CRIM1: variants seen among roughly 807,000 people sequenced by gnomAD.
CRIM1 encodes the protein cysteine rich transmembrane BMP regulator 1.
A neutral mutation model predicts 116.4 loss-of-function variants in CRIM1; 32 were observed. The observed-to-expected ratio is 0.27, with a 90% CI of 0.21 to 0.37. The LOEUF (loss-of-function observed/expected upper bound fraction) is 0.37, where lower values mean the gene tolerates loss of function less well. Among genes scored for constraint, CRIM1 ranks in the 10% least tolerant of loss-of-function variants. The pLI is 1.00. For missense variants in CRIM1, 1,331 were observed against 1,354.8 expected (o/e 0.98, Z 0.28); for synonymous variants, 590 against 509.2 (o/e 1.16, Z -2.13).
intron 6 of CRIM1, 101 bp downstream of exon 6, chr2:36,477,172 A>G (rs1679051179): frequency 2.1e-6 from 2 of 966,712 alleles, no homozygotes; most frequent in Non-Finnish European, 3.0e-6. Flanking sequence ...GTAAAGGAAT[A>G]TTGAAGTTCC....
At chr2:36,413,937 T>A (rs983549055) in intron 2 of CRIM1, among the ~76,000 whole-genome samples, 10 of 152,228 alleles carry the variant, frequency 6.6e-5, no homozygotes, top group African/African-American at 2.4e-4. Context: ...AACGGTGAGA[T>A]CCGATTTTCC....
rs923023725 is a variant in CRIM1 at position 36,549,353 on chromosome 2, G to A, written c.*652G>A. On this transcript the variant is annotated 3_prime_UTR_variant, in exon 17 of 17. Coordinates refer to ENST00000280527, the MANE Select transcript of CRIM1 (RefSeq NM_016441.3). ...CATTTCTCTAAAGCGGGTTATTAAG[G>A]ATATATACAGTTACACTTTTTGCTG... 2 of 152,576 alleles carry A rather than the reference G, an allele frequency of 1.3e-5. No individual in the cohort carries two copies. The highest frequency in any genetic ancestry group is 2.9e-5 in the Non-Finnish European group (2 of 68,032). The allele number at this position is 152,576 out of a possible 1,614,324, so 9.5% of individuals were successfully genotyped here. A position where few individuals can be genotyped will look rare whatever the true frequency, so the allele number is the denominator to read the frequency against.
At chr2:36,514,092 A>G (rs1664878081) in intron 11 of CRIM1, among the ~76,000 whole-genome samples, 2 of 152,220 alleles carry the variant, frequency 1.3e-5, no homozygotes, top group Admixed American at 1.3e-4. Context: ...TATTGATAGC[A>G]TATTAAGTCT....
At chr2:36,488,140 A>G (rs575891645) in intron 7 of CRIM1, among the ~76,000 whole-genome samples, 43 of 152,204 alleles carry the variant, frequency 2.8e-4, no homozygotes, top group Non-Finnish European at 5.0e-4. Context: ...ATAGTGAAAA[A>G]TCCAGTGAGT....
chr2:36,420,638 G>A (rs1276459902), intron 2 of CRIM1, among the ~76,000 whole-genome samples: 1 of 152,190 alleles, frequency 6.6e-6, no homozygotes, highest in Non-Finnish European at 1.5e-5. Context: ...CAAAAGTTCA[G>A]GAGGTCTTCA....
At chr2:36,358,624 A>T (rs530089969) in intron 1 of CRIM1, among the ~76,000 whole-genome samples, 6 of 152,114 alleles carry the variant, frequency 3.9e-5, no homozygotes, top group Non-Finnish European at 8.8e-5. Flanking sequence ...TTTTTCTGGC[A>T]ACACCCTGTG....
At chr2:36,363,441 A>G (rs1669366215) in intron 1 of CRIM1, among the ~76,000 whole-genome samples, 2 of 150,448 alleles carry the variant, frequency 1.3e-5, no homozygotes, top group Non-Finnish European at 2.9e-5. Context: ...CTTAATCCCC[A>G]TCTACCTCAG....
chr2:36,416,549 C>T (rs943198350), intron 2 of CRIM1, among the ~76,000 whole-genome samples: 2 of 152,236 alleles, frequency 1.3e-5, no homozygotes, highest in African/African-American at 4.8e-5. Flanking sequence ...CTGCGTTTGT[C>T]TTCTGAAAGG....
intron 4 of CRIM1, among the ~76,000 whole-genome samples, chr2:36,452,553 G>A (rs1186059427): frequency 6.6e-6 from 1 of 152,134 alleles, no homozygotes. Context: ...TCCCCAGATT[G>A]AAGAAAATAT....
At chr2:36,412,290 T>TG (rs531922327) in intron 2 of CRIM1, among the ~76,000 whole-genome samples, 40 of 125,754 alleles carry the variant, frequency 3.2e-4, no homozygotes, top group Admixed American at 1.1e-3. Context: ...GCGCAGGGGG[T>TG]GGGGGGCGCA....
intron 2 of CRIM1, among the ~76,000 whole-genome samples, chr2:36,408,450 A>G (rs1345132393): frequency 6.6e-6 from 1 of 152,072 alleles, no homozygotes; most frequent in Admixed American, 6.6e-5. Flanking sequence ...GGCCCCCACA[A>G]AGGTTTTTCC....
chr2:36,408,992 G>T, intron 2 of CRIM1, among the ~76,000 whole-genome samples: 1 of 143,780 alleles, frequency 7.0e-6, no homozygotes, highest in African/African-American at 2.7e-5. Flanking sequence ...CTAGTATCTT[G>T]ATTAAGAGAT....
intron 5 of CRIM1, among the ~76,000 whole-genome samples, chr2:36,470,229 T>C (rs1204026545): frequency 6.6e-6 from 1 of 152,226 alleles, no homozygotes; most frequent in African/African-American, 2.4e-5. Context: ...AGTCCTTCTC[T>C]TTTCACTTTG....
chr2:36,546,449 T>C lies in CRIM1; in HGVS notation c.2747-535T>C, dbSNP rs903357186. ...CAAGTTTATGAAAAGTAAGACAATA[T>C]TGCTTAGAGTTCAGTGAACCAGAGT... is the stretch of plus-strand genomic sequence containing the variant. On this transcript the variant is annotated intron_variant, in intron 15 of 16. Coordinates refer to ENST00000280527, the MANE Select transcript of CRIM1 (RefSeq NM_016441.3). Among the ~76,000 whole-genome samples the C allele has an allele frequency of 4.6e-5, 7 of 152,132 alleles. No homozygotes were observed. The East Asian group carries it at 1.2e-3, about 25-fold the overall frequency.
chr2:36,470,768 ACTTTCAAGT>A (rs1678437917), intron 5 of CRIM1, among the ~76,000 whole-genome samples: 1 of 152,214 alleles, frequency 6.6e-6, no homozygotes, highest in African/African-American at 2.4e-5. Context: ...AGTCATTTCA[ACTTTCAAGT>A]CTTGTTAATT....
chr2:36,449,646 A>C (rs1033807542), intron 4 of CRIM1, among the ~76,000 whole-genome samples: 38 of 152,164 alleles, frequency 2.5e-4, no homozygotes, highest in Non-Finnish European at 4.1e-4. Flanking sequence ...CTCAAAAGTA[A>C]CTTCTACCTC....
chr2:36,537,375 G>T lies in CRIM1; in HGVS notation c.2452G>T (p.Val818Leu), dbSNP rs763932619. 2 of 1,614,094 alleles carry T rather than the reference G, an allele frequency of 1.2e-6. No homozygotes were observed. The highest frequency in any genetic ancestry group is 1.7e-6 in the Non-Finnish European group (2 of 1,180,050). ...CIEDTIPKKV[V>L]CHFSGKAYAD... ...AGAAGACACAATTCCAAAGAAGGTG[G>T]TGTGCCACTTCAGTGGGAAGGCCTA... The change falls in exon 14 of 17, where the codon GTG becomes TTG. Residue 818 changes from valine (V) to leucine (L), a missense_variant. Val to Leu is a conservative substitution (Grantham distance 32). Transcript: ENST00000280527.
intron 1 of CRIM1, among the ~76,000 whole-genome samples, chr2:36,381,261 A>G (rs1232913359): frequency 6.6e-6 from 1 of 152,170 alleles, no homozygotes; most frequent in African/African-American, 2.4e-5. Context: ...GGAGTGCCCC[A>G]TGGCCTTGAG....
intron 2 of CRIM1, among the ~76,000 whole-genome samples, chr2:36,437,040 T>C (rs1274302802): frequency 6.6e-6 from 1 of 152,232 alleles, no homozygotes; most frequent in African/African-American, 2.4e-5. Context: ...ATGTGTTTGT[T>C]ATAAGACAAC....
Sources: allele counts gnomAD v4.1 joint callset (sites outside exome capture counted in the v4.1 genomes callset), GRCh38; gene constraint gnomAD v4.1.1; transcripts MANE v1.5; gene names NCBI Gene and HGNC (gene_info 2026-07-23, HGNC 2026-07-21).